PRKG2: variants seen among roughly 807,000 people sequenced by gnomAD.
The protein encoded by PRKG2 is protein kinase cGMP-dependent 2.
Under a neutral mutation model 97.2 loss-of-function variants are expected in PRKG2, and 33 were observed. The ratio of observed to expected loss-of-function variants is 0.34; its 90% CI spans 0.26 to 0.45. The LOEUF (loss-of-function observed/expected upper bound fraction) is 0.45. Ranked by LOEUF, PRKG2 falls within the 20% of genes least tolerant of loss-of-function variation. PRKG2 has a pLI of 1.00. For missense variants in PRKG2, 638 were observed against 900.0 expected, an observed-to-expected ratio of 0.71 and a Z score of 3.73; for synonymous variants, 330 against 321.8, an observed-to-expected ratio of 1.03 and a Z score of -0.27.
intron 9 of PRKG2, among the ~76,000 whole-genome samples, chr4:81,146,757 G>A (rs145359597): frequency 6.5e-4 from 99 of 152,230 alleles, no homozygotes; most frequent in African/African-American, 1.9e-3. Context: ...AGCATGGAGA[G>A]ACAGATGTTA....
chr4:81,121,663 T>C (rs1039340563), intron 14 of PRKG2, among the ~76,000 whole-genome samples: 2 of 152,204 alleles, frequency 1.3e-5, no homozygotes, highest in African/African-American at 4.8e-5. Context: ...ATCCATGAAA[T>C]ATATGGAATT....
chr4:81,194,136 A>G (rs184087344), intron 2 of PRKG2, among the ~76,000 whole-genome samples: 139 of 152,236 alleles, frequency 9.1e-4, no homozygotes, highest in Non-Finnish European at 1.7e-3. Context: ...AATTTCCCCA[A>G]AGAGACACTG....
chr4:81,096,330 C>T (rs116679346), intron 17 of PRKG2, among the ~76,000 whole-genome samples: 4,066 of 151,898 alleles, frequency 0.027, 179 homozygotes, highest in African/African-American at 0.093. Context: ...TCTCTTGAGG[C>T]CAGGAGTTTG....
intron 2 of PRKG2, chr4:81,192,921 T>C (rs530317705): frequency 6.6e-6 from 1 of 152,360 alleles, no homozygotes; most frequent in Admixed American, 6.5e-5. Flanking sequence ...TTTCATCCTC[T>C]AAGTTGCTTC....
At chr4:81,195,607 G>A (rs1189935586) in intron 2 of PRKG2, among the ~76,000 whole-genome samples, 2 of 152,014 alleles carry the variant, frequency 1.3e-5, no homozygotes, top group Non-Finnish European at 2.9e-5. Context: ...TGAATTTGAC[G>A]ATTCGAGGTA....
At chr4:81,190,959 A>T (rs1752431462) in intron 2 of PRKG2, among the ~76,000 whole-genome samples, 1 of 152,324 alleles carries the variant, frequency 6.6e-6, no homozygotes, top group Non-Finnish European at 1.5e-5. Context: ...ATGTGGAGAA[A>T]CAGGAACACT....
At chr4:81,099,118 GC>G (rs1354319609) in intron 17 of PRKG2, among the ~76,000 whole-genome samples, 14 of 152,166 alleles carry the variant, frequency 9.2e-5, no homozygotes, top group Non-Finnish European at 1.9e-4. Context: ...CATGACTGGT[GC>G]CTAGTTTTAA....
chr4:81,110,296 T>C, intron 15 of PRKG2, 152 bp downstream of exon 15: 1 of 777,610 alleles, frequency 1.3e-6, no homozygotes, highest in South Asian at 2.2e-5. Flanking sequence ...AAGTTCACTG[T>C]ATGTGAAACA....
At chr4:81,131,213 C>T (rs1578393174) in intron 14 of PRKG2, among the ~76,000 whole-genome samples, 1 of 149,358 alleles carries the variant, frequency 6.7e-6, no homozygotes, top group African/African-American at 2.6e-5. Flanking sequence ...AGCACAGTCC[C>T]TCATGGCTTC....
At chr4:81,140,327 A>T (rs996564081) in intron 12 of PRKG2, among the ~76,000 whole-genome samples, 1 of 152,220 alleles carries the variant, frequency 6.6e-6, no homozygotes, top group African/African-American at 2.4e-5. Flanking sequence ...AACACAAAGG[A>T]TAAATGCTCA....
intron 6 of PRKG2, among the ~76,000 whole-genome samples, chr4:81,161,760 C>T (rs1185942424): frequency 2.0e-5 from 3 of 152,022 alleles, no homozygotes; most frequent in Non-Finnish European, 4.4e-5. Context: ...TCTCTCTGAC[C>T]CCAACCAGAA....
intron 16 of PRKG2, among the ~76,000 whole-genome samples, chr4:81,105,531 T>C (rs1019124115): frequency 6.6e-6 from 1 of 152,146 alleles, no homozygotes; most frequent in Non-Finnish European, 1.5e-5. Flanking sequence ...AGGTTTATGG[T>C]TTATTTTGCT....
At position 81,105,333 on chromosome 4, in the gene PRKG2, G is replaced by A. The variant is rs1052713233; in HGVS notation, c.2063+480C>T. On this transcript the variant is annotated intron_variant, in intron 16 of 18. Coordinates refer to ENST00000264399, the MANE Select transcript of PRKG2 (RefSeq NM_006259.3). ...CCGAGTCCCTGATATCTACATTTCCGTTTTCTATCTCCATGTGTTCAAATT... is the reference window on the plus strand; with the variant it reads ...CCGAGTCCCTGATATCTACATTTCCATTTTCTATCTCCATGTGTTCAAATT... 2.6e-5 allele frequency among the ~76,000 whole-genome samples: 4 copies of A among 151,822 alleles called. No individual in the cohort carries two copies. In the South Asian group the frequency reaches 6.2e-4, roughly 24 times the overall value.
intron 14 of PRKG2, among the ~76,000 whole-genome samples, chr4:81,122,498 AGGTCTTAATCCCTCACC>A (rs1254923887): frequency 6.6e-6 from 1 of 152,212 alleles, no homozygotes; most frequent in Non-Finnish European, 1.5e-5. Context: ...GAGTAGAATG[AGGTCTTAATCCCTCACC>A]ACAAACTCAT....
At position 81,148,907 on chromosome 4, in the gene PRKG2, A is replaced by G; in HGVS notation, c.1131T>C (p.Val377=). 2.5e-6 allele frequency: 4 copies of G among 1,613,816 alleles called. No homozygotes were observed. The highest frequency in any genetic ancestry group is 3.4e-6 in the Non-Finnish European group (4 of 1,179,730). ...SANIIAEEND[V]ACLVIDRETF... The stretch of plus-strand genomic sequence containing the variant: ...ACTCTCGATCTATAACCAGGCATGC[A>G]ACATCATTTTCTTCAGCAATAATGT... Residue 377 remains valine (V), a synonymous_variant, in exon 9 of 19, where the codon GTT becomes GTC. Coordinates refer to ENST00000264399, the MANE Select transcript of PRKG2 (RefSeq NM_006259.3).
chr4:81,105,783 A>G lies in PRKG2; in HGVS notation c.2063+30T>C, dbSNP rs374000341. ...AACCGAAGCCTTTAGACTTTCTTCA[A>G]GACAAGGGGTTACTGACTGTCATTC... is the stretch of plus-strand genomic sequence containing the variant. On this transcript the variant is annotated intron_variant, in intron 16 of 18. Transcript: ENST00000264399. The G allele has an allele frequency of 1.5e-4, 234 of 1,610,474 alleles. 1 individual carries two copies. Among genetic ancestry groups the G allele is most frequent in the Non-Finnish European group, 1.9e-4 (221 of 1,178,014 alleles).
chr4:81,119,678 ATTTTTT>A (rs201642317), intron 14 of PRKG2, among the ~76,000 whole-genome samples: 1 of 144,128 alleles, frequency 6.9e-6, no homozygotes, highest in African/African-American at 2.5e-5. Flanking sequence ...ACTGAATTGA[ATTTTTT>A]TTTTTTTTTA....
chr4:81,088,241 T>G lies in PRKG2; in HGVS notation c.*1467A>C, dbSNP rs1437571013. 6.6e-6 allele frequency: 1 copy of G among 152,192 alleles called. No homozygotes were observed. The highest frequency in any genetic ancestry group is 1.5e-5 in the Non-Finnish European group (1 of 68,018). The allele number at this position is 152,192 out of a possible 1,614,324, so 9.4% of individuals were successfully genotyped here. The stretch of plus-strand genomic sequence containing the variant: ...CTGGATTGGGCTTCACTTATCTAGC[T>G]TAACTCATTAAGGAAGCATATAGCT... On this transcript the variant is annotated 3_prime_UTR_variant, in exon 19 of 19. Coordinates refer to ENST00000264399, the MANE Select transcript of PRKG2 (RefSeq NM_006259.3).
At chr4:81,182,865 A>T (rs1751540224) in intron 2 of PRKG2, among the ~76,000 whole-genome samples, 2 of 152,124 alleles carry the variant, frequency 1.3e-5, no homozygotes, top group East Asian at 1.9e-4. Flanking sequence ...ACAAAATATT[A>T]TTAAAAGAAT....
Sources: allele counts gnomAD v4.1 joint callset (sites outside exome capture counted in the v4.1 genomes callset), GRCh38; gene constraint gnomAD v4.1.1; transcripts MANE v1.5; gene names NCBI Gene and HGNC (gene_info 2026-07-23, HGNC 2026-07-21).